The following VAV2 variants were observed in gnomAD, a reference collection of about 807,000 sequenced individuals.
The protein encoded by VAV2 is guanine nucleotide exchange factor VAV2.
In VAV2, 67 loss-of-function variants were observed where a neutral mutation model predicts 132.5. The observed-to-expected ratio is 0.51, with a 90% CI of 0.42 to 0.62. The LOEUF (loss-of-function observed/expected upper bound fraction) is 0.62, where lower values mean the gene tolerates loss of function less well. Ranked by LOEUF, VAV2 falls within the 20% of genes least tolerant of loss-of-function variation. The pLI, the probability that VAV2 is intolerant of heterozygous loss-of-function variation, is 0.00. For synonymous variants in VAV2, 492 were observed against 443.5 expected, an observed-to-expected ratio of 1.11 and a Z score of -1.37; for missense variants, 938 against 1,153.6, an observed-to-expected ratio of 0.81 and a Z score of 2.71.
intron 12 of VAV2, among the ~76,000 whole-genome samples, chr9:133,793,999 G>A (rs955594134): frequency 3.3e-5 from 5 of 152,218 alleles, no homozygotes; most frequent in East Asian, 3.9e-4. Context: ...ACGCACACCC[G>A]CAAGTCACCG....
intron 1 of VAV2, among the ~76,000 whole-genome samples, chr9:133,968,424 G>T (rs374858679): frequency 3.9e-5 from 6 of 152,120 alleles, no homozygotes; most frequent in Non-Finnish European, 5.9e-5. Flanking sequence ...TTGTGGGGGG[G>T]AAAAACACCA....
At chr9:133,777,297 CA>C in intron 23 of VAV2, 91 bp downstream of exon 23, 1 of 1,380,280 alleles carries the variant, frequency 7.2e-7, no homozygotes, top group East Asian at 2.3e-5. Context: ...ATGTCCTGAA[CA>C]AGCCAAAAAT....
At chr9:133,820,426 C>T (rs1357067834) in intron 4 of VAV2, among the ~76,000 whole-genome samples, 2 of 151,934 alleles carry the variant, frequency 1.3e-5, no homozygotes, top group African/African-American at 4.8e-5. Context: ...GGGGTTCACG[C>T]CTTTCTCCTG....
chr9:133,835,348 G>A (rs995005470), intron 3 of VAV2, among the ~76,000 whole-genome samples: 3 of 141,694 alleles, frequency 2.1e-5, no homozygotes, highest in Non-Finnish European at 4.6e-5. Context: ...GCCAGCACAG[G>A]CCAACCACTC....
At chr9:133,774,913 C>T (rs564529891) in intron 25 of VAV2, 22 bp downstream of exon 25, 26 of 1,601,548 alleles carry the variant, frequency 1.6e-5, no homozygotes, top group South Asian at 2.2e-5. Context: ...TGGGTCTCCT[C>T]GAGCCCAGAG....
chr9:133,816,143 G>A lies in VAV2; in HGVS notation c.450-3927C>T, dbSNP rs141084161. On this transcript the variant is annotated intron_variant, in intron 4 of 29. Coordinates refer to ENST00000371850, the MANE Select transcript of VAV2 (RefSeq NM_001134398.2). ...TACTGTATACCTTCCTTTGTGAAGA[G>A]TCTGTTCAAGACTTTTGTCCATTTC... Among the ~76,000 whole-genome samples the A allele has an allele frequency of 5.2e-3, 795 of 152,332 alleles. 9 individuals carry two copies. The highest frequency in any genetic ancestry group is 0.019 in the African/African-American group (773 of 41,556).
At position 133,788,082 on chromosome 9, in the gene VAV2, C is replaced by T. The variant is rs574893717; in HGVS notation, c.1407+272G>A. On this transcript the variant is annotated intron_variant, in intron 15 of 29. Transcript: ENST00000371850. The surrounding 1 kb of genome is among the most constrained non-coding windows in gnomAD (Gnocchi z 5.3). ...GGTGGCCTCTCCCCTCTGCCTCAGT[C>T]GCCTCACTGGGGAGTGGGATTCTGG... is the stretch of plus-strand genomic sequence containing the variant. Among the ~76,000 whole-genome samples the T allele has an allele frequency of 6.6e-5, 10 of 152,356 alleles. No individual in the cohort carries two copies. Among genetic ancestry groups the T allele is most frequent in the Middle Eastern group, 3.4e-3 (1 of 294 alleles).
rs1264185658 is a variant in VAV2 at position 133,794,232 on chromosome 9, C to T, written c.1101+1436G>A. On this transcript the variant is annotated intron_variant, in intron 12 of 29. Coordinates refer to ENST00000371850, the MANE Select transcript of VAV2 (RefSeq NM_001134398.2). This position sits in a 1 kb window ranked among gnomAD's most constrained non-coding sequence, Gnocchi z 4.6. The stretch of plus-strand genomic sequence containing the variant: ...GTGGCTCACAGCAGACAGGCCAGAG[C>T]AGGTGTTGGAGAGGGGCGGCTTGGG... Among the ~76,000 whole-genome samples the T allele has an allele frequency of 2.6e-5, 4 of 152,142 alleles. No individual in the cohort carries two copies. The highest frequency in any genetic ancestry group is 6.5e-5 in the Admixed American group (1 of 15,280).
intron 1 of VAV2, among the ~76,000 whole-genome samples, chr9:133,953,899 C>G (rs77687365): frequency 0.019 from 2,878 of 152,260 alleles, 70 homozygotes; most frequent in African/African-American, 0.061. Context: ...AGGTGTCCTC[C>G]CTCTGCAGAA....
intron 9 of VAV2, among the ~76,000 whole-genome samples, chr9:133,800,957 AGG>A (rs1834904565): frequency 6.6e-6 from 1 of 152,232 alleles, no homozygotes; most frequent in South Asian, 2.1e-4. Flanking sequence ...GATAGGTCAA[AGG>A]GCAGCAGGTA....
rs149325056 is a variant in VAV2, at chr9:133,826,827, C to T, written c.449+7445G>A. On this transcript the variant is annotated intron_variant, in intron 4 of 29. Transcript: ENST00000371850. This position sits in a 1 kb window ranked among gnomAD's most constrained non-coding sequence, Gnocchi z 4.2. ...CCACGGGAGGGAGGGCAGAGGCAGG[C>T]GGCCTGGCCCTGCTGGGGACTGGGG... 4.6e-4 allele frequency among the ~76,000 whole-genome samples: 70 copies of T among 152,286 alleles called. No homozygotes were observed. In the Middle Eastern group the frequency reaches 0.01, roughly 22 times the overall value.
intron 2 of VAV2, among the ~76,000 whole-genome samples, chr9:133,894,241 T>G (rs569459151): frequency 6.6e-6 from 1 of 152,180 alleles, no homozygotes; most frequent in Admixed American, 6.5e-5. Context: ...TTCCCAAGGA[T>G]GGGGGAGCCG....
chr9:133,943,044 A>C (rs982695435), intron 1 of VAV2, among the ~76,000 whole-genome samples: 7 of 152,236 alleles, frequency 4.6e-5, no homozygotes, highest in African/African-American at 9.6e-5. Context: ...AGGCACAGAG[A>C]GTTAAGGACG....
intron 17 of VAV2, among the ~76,000 whole-genome samples, chr9:133,784,873 C>G (rs750617733): frequency 5.3e-5 from 8 of 152,106 alleles, no homozygotes; most frequent in Non-Finnish European, 8.8e-5. Context: ...TGTTGGATGG[C>G]TGGGGTGGGG....
chr9:133,816,577 T>C (rs1835568019), intron 4 of VAV2, among the ~76,000 whole-genome samples: 1 of 152,192 alleles, frequency 6.6e-6, no homozygotes. Context: ...TCAAAACGCC[T>C]CTTTTTCGAG....
intron 4 of VAV2, among the ~76,000 whole-genome samples, chr9:133,831,844 G>C (rs1462295667): frequency 5.9e-5 from 9 of 152,230 alleles, no homozygotes; most frequent in Non-Finnish European, 1.2e-4. Context: ...TGGGGGGCTA[G>C]GGTTAAATCA....
rs1315641816 is a variant in VAV2 at position 133,883,199 on chromosome 9, G to A, written c.322-21767C>T. Among the ~76,000 whole-genome samples, 1 of 152,232 alleles carries A rather than the reference G, an allele frequency of 6.6e-6. No individual in the cohort carries two copies. The highest frequency in any genetic ancestry group is 2.4e-5 in the African/African-American group (1 of 41,448). On this transcript the variant is annotated intron_variant, in intron 2 of 29. Coordinates refer to ENST00000371850, the MANE Select transcript of VAV2 (RefSeq NM_001134398.2). This position sits in a 1 kb window ranked among gnomAD's most constrained non-coding sequence, Gnocchi z 4.2. The stretch of plus-strand genomic sequence containing the variant: ...CGGCTGTCCCCACACACCACTCCTG[G>A]AGCAGATGGGCCCTTCATCATTTGC...
chr9:133,871,327 A>G (rs533634103), intron 2 of VAV2, among the ~76,000 whole-genome samples: 7 of 145,024 alleles, frequency 4.8e-5, no homozygotes, highest in African/African-American at 1.8e-4. Context: ...TTGGGGGTGG[A>G]TGGATGAATG....
intron 2 of VAV2, among the ~76,000 whole-genome samples, chr9:133,895,280 G>C (rs554419007): frequency 6.6e-6 from 1 of 152,148 alleles, no homozygotes; most frequent in Non-Finnish European, 1.5e-5. Flanking sequence ...TGCAGCTCCT[G>C]GGGGAGGCCT....
Sources: gnomAD v4.1 joint callset for allele counts (sites outside exome capture counted in the v4.1 genomes callset) on GRCh38, gnomAD v4.1.1 for gene constraint, Gnocchi (gnomAD v3.1) non-coding constraint, MANE v1.5 for transcripts, NCBI Gene and HGNC (gene_info 2026-07-23, HGNC 2026-07-21) for gene names.